Variants in WDR35 observed in about 807,000 individuals in gnomAD.
WDR35 encodes WD repeat domain 35, also known as WD repeat-containing protein 35.
In WDR35, 118 loss-of-function variants were observed where a neutral mutation model predicts 158.3. The ratio of observed to expected loss-of-function variants is 0.75; its 90% CI spans 0.64 to 0.87. The LOEUF (loss-of-function observed/expected upper bound fraction) is 0.87. Ranked by LOEUF, WDR35 falls within the 40% of genes least tolerant of loss-of-function variation. WDR35 has a pLI of 0.00. For synonymous variants in WDR35, 448 were observed against 476.1 expected (o/e 0.94, Z 0.77); for missense variants, 1,263 against 1,405.8 (o/e 0.90, Z 1.62).
rs569492840 is a variant in WDR35, at chr2:19,935,335, GCAT to G, written c.2547+133_2547+135del. The G allele has an allele frequency of 7.7e-4, 696 of 899,388 alleles. 13 individuals are homozygous for G. The South Asian group carries it at 0.013, about 17-fold the overall frequency. The allele number at this position is 899,388 out of a possible 1,614,324, so 55.7% of individuals were successfully genotyped here. The stretch of plus-strand genomic sequence containing the variant: ...TTTATATATTACTTTATAATTAAAA[GCAT>G]CATTCCATGTCTAAGAAACTGTAAC... On this transcript the variant is annotated intron_variant, in intron 21 of 26. Coordinates refer to ENST00000281405, the MANE Select transcript of WDR35 (RefSeq NM_020779.4).
chr2:19,970,521 G>A (rs951799118), intron 8 of WDR35, among the ~76,000 whole-genome samples: 3 of 151,988 alleles, frequency 2.0e-5, no homozygotes, highest in African/African-American at 7.3e-5. Context: ...TTATCTTTCT[G>A]GAACACAGAT....
At chr2:19,938,530 G>T in intron 17 of WDR35, 129 bp from the exon 18 acceptor site, 2 of 1,227,844 alleles carry the variant, frequency 1.6e-6, no homozygotes, top group South Asian at 1.5e-5. Context: ...GCAAAATAAG[G>T]AAGAGAAATC....
intron 21 of WDR35, 63 bp downstream of exon 21, chr2:19,935,408 C>T (rs766717423): frequency 7.8e-5 from 123 of 1,569,014 alleles, no homozygotes; most frequent in South Asian, 1.7e-4. Context: ...TATTTCCTGA[C>T]TATAACATAA....
At chr2:19,955,625 C>T (rs955464953) in intron 11 of WDR35, among the ~76,000 whole-genome samples, 7 of 152,184 alleles carry the variant, frequency 4.6e-5, no homozygotes, top group African/African-American at 1.4e-4. Flanking sequence ...TTTCTAAATT[C>T]ATGAACAATC....
rs142343762 is a variant in WDR35 at position 19,973,964 on chromosome 2, TGGA to T, written c.737-259_737-257del. Among the ~76,000 whole-genome samples, 5,285 of 151,726 alleles carry T rather than the reference TGGA, an allele frequency of 0.035. 295 individuals carry two copies. The highest frequency in any genetic ancestry group is 0.12 in the African/African-American group (4,934 of 41,320). The stretch of plus-strand genomic sequence containing the variant: ...CTCTACGAAAAATACAAAAATTAGC[TGGA>T]GGAGTTGGTGCACACCTGTGGTCCC... On this transcript the variant is annotated intron_variant, in intron 7 of 26. Transcript: ENST00000281405.
At chr2:19,915,519 G>A (rs1669963515) in intron 25 of WDR35, among the ~76,000 whole-genome samples, 1 of 151,400 alleles carries the variant, frequency 6.6e-6, no homozygotes. Context: ...GTTCTTTTAA[G>A]TCTAGAAATG....
At chr2:19,950,900 A>T (rs1671214157) in intron 13 of WDR35, among the ~76,000 whole-genome samples, 2 of 152,374 alleles carry the variant, frequency 1.3e-5, no homozygotes, top group South Asian at 4.1e-4. Flanking sequence ...GCATCAGATA[A>T]GAAATGAGAC....
At chr2:19,915,350 A>G (rs62109406) in intron 25 of WDR35, among the ~76,000 whole-genome samples, 15,919 of 151,920 alleles carry the variant, frequency 0.1, 918 homozygotes, top group South Asian at 0.2. Flanking sequence ...AATAAACAAT[A>G]TCCTCTAATT....
Position 19,936,219 on chromosome 2 carries a change from C to A in WDR35, c.2414G>T (p.Trp805Leu), listed in dbSNP as rs778456173. Residue 805 changes from tryptophan to leucine, a missense_variant and splice_region_variant, in exon 20 of 27, where the codon TGG becomes TTG. Trp to Leu is a moderately conservative substitution (Grantham distance 61). Transcript: ENST00000281405. ...IGDYFADRQK[W>L]LNAVQYYVQG... The stretch of plus-strand genomic sequence containing the variant: ...GAGGAGCTCCAGGTAAGTTACATAC[C>A]ACTTTTGTCGATCAGCAAAGTAGTC... 2 of 1,613,786 alleles carry A rather than the reference C, an allele frequency of 1.2e-6. No individual in the cohort carries two copies. Among genetic ancestry groups the A allele is most frequent in the Non-Finnish European group, 1.7e-6 (2 of 1,179,846 alleles).
chr2:19,986,066 G>A (rs923829842), intron 2 of WDR35, among the ~76,000 whole-genome samples: 6 of 152,166 alleles, frequency 3.9e-5, no homozygotes, highest in African/African-American at 1.4e-4. Context: ...CAAAGGAAAG[G>A]ATGGGTTCAA....
intron 10 of WDR35, among the ~76,000 whole-genome samples, chr2:19,965,785 A>C (rs1671831126): frequency 6.6e-6 from 1 of 152,104 alleles, no homozygotes; most frequent in Non-Finnish European, 1.5e-5. Context: ...TCTTCTTAAA[A>C]AAAGTTTTCT....
At chr2:19,969,440 A>G in intron 9 of WDR35, 40 bp downstream of exon 9, 2 of 1,585,424 alleles carry the variant, frequency 1.3e-6, no homozygotes, top group Non-Finnish European at 1.7e-6. Flanking sequence ...ATTATTTAGT[A>G]AGAAACACTG....
At chr2:19,979,276 C>T in intron 4 of WDR35, among the ~76,000 whole-genome samples, 1 of 152,026 alleles carries the variant, frequency 6.6e-6, no homozygotes, top group East Asian at 1.9e-4. Flanking sequence ...TAAAAAAACT[C>T]CAAGTAACAA....
Position 19,913,533 on chromosome 2 carries a change from C to T in WDR35, c.*25G>A. The T allele has an allele frequency of 6.2e-7, 1 of 1,613,336 alleles. No homozygotes were observed. The highest frequency in any genetic ancestry group is 8.5e-7 in the Non-Finnish European group (1 of 1,179,436). On this transcript the variant is annotated 3_prime_UTR_variant, in exon 27 of 27. Transcript: ENST00000281405. ...ATGTATATATGCTACATATATTTTA[C>T]AGTTATATACAGTTTATCATTCCTT...
chr2:19,964,194 C>G (rs1671759479), intron 10 of WDR35, among the ~76,000 whole-genome samples: 1 of 152,024 alleles, frequency 6.6e-6, no homozygotes, highest in South Asian at 2.1e-4. Context: ...ATTGTTTTCT[C>G]CCCAATGTTC....
intron 5 of WDR35, among the ~76,000 whole-genome samples, chr2:19,978,179 TACACACACACACACAGAC>T (rs962247345): frequency 1.7e-4 from 25 of 144,916 alleles, no homozygotes; most frequent in African/African-American, 6.4e-4. Context: ...TACATGAAGT[TACACACACACACACAGAC>T]ACACACACAC....
chr2:19,949,025 A>G (rs1386911395), intron 13 of WDR35, among the ~76,000 whole-genome samples: 1 of 152,192 alleles, frequency 6.6e-6, no homozygotes, highest in African/African-American at 2.4e-5. Flanking sequence ...CTGAAAACTG[A>G]ATAAGCTCAT....
chr2:19,910,799 T>C lies in WDR35; in HGVS notation c.*2759A>G, dbSNP rs536402226. 3.9e-5 allele frequency: 6 copies of C among 152,224 alleles called. No homozygotes were observed. Among genetic ancestry groups the C allele is most frequent in the African/African-American group, 1.4e-4 (6 of 41,526 alleles). 9.4% of individuals were successfully genotyped at this position (152,224 alleles called of 1,614,324 possible). On this transcript the variant is annotated 3_prime_UTR_variant, in exon 27 of 27. Coordinates refer to ENST00000281405, the MANE Select transcript of WDR35 (RefSeq NM_020779.4). ...CTAGATTGACTCATAATATAGGTGT[T>C]TTCTCTAGTACCATTTACACAGAAG...
In WDR35 at chr2:19,936,159, T is replaced by C. The variant is rs991432817; in HGVS notation, c.2414+60A>G. 1.1e-5 allele frequency: 17 copies of C among 1,610,138 alleles called. No homozygotes were observed. In the South Asian group the frequency reaches 1.8e-4, roughly 17 times the overall value. The stretch of plus-strand genomic sequence containing the variant: ...TCCCCAGGATTACTTCCTAGAGAAG[T>C]ACTCAGGCAGCTACTAAGTGTTGCA... On this transcript the variant is annotated intron_variant, in intron 20 of 26. Transcript: ENST00000281405.
Sources: allele counts gnomAD v4.1 joint callset (sites outside exome capture counted in the v4.1 genomes callset), GRCh38; gene constraint gnomAD v4.1.1; transcripts MANE v1.5; gene names NCBI Gene and HGNC (gene_info 2026-07-23, HGNC 2026-07-21).